The following TMEM132B variants were observed in gnomAD, a reference collection of about 807,000 sequenced individuals.
TMEM132B encodes the protein transmembrane protein 132B.
TMEM132B carries 18 observed loss-of-function variants against 90.8 expected under a neutral mutation model. That is an observed-to-expected ratio of 0.20 (90% CI 0.14 to 0.29). The LOEUF is 0.29. TMEM132B is among the 10% of genes least tolerant of loss of function. TMEM132B has a pLI of 1.00. For synonymous variants in TMEM132B, 504 were observed against 523.3 expected (o/e 0.96, Z 0.50); for missense variants, 1,096 against 1,326.8 (o/e 0.83, Z 2.70).
chr12:125,218,769 G>GTTTTTT (rs34905706), intron 1 of TMEM132B, among the ~76,000 whole-genome samples: 50 of 108,848 alleles, frequency 4.6e-4, no homozygotes, highest in South Asian at 1.4e-3. Flanking sequence ...TGTTGAAGCT[G>GTTTTTT]TTTTTTTTTT....
At chr12:125,336,401 T>C (rs1340226157) in intron 1 of TMEM132B, among the ~76,000 whole-genome samples, 1 of 152,192 alleles carries the variant, frequency 6.6e-6, no homozygotes, top group Admixed American at 6.5e-5. Flanking sequence ...CAAATGACAT[T>C]TGTGAAGATG....
At chr12:125,425,707 CTCTTTTCAGATTGGCTTCTT>C (rs1412720518) in intron 3 of TMEM132B, among the ~76,000 whole-genome samples, 2 of 152,212 alleles carry the variant, frequency 1.3e-5, no homozygotes, top group African/African-American at 4.8e-5. Flanking sequence ...ACAGTATGTA[CTCTTTTCAGATTGGCTTCTT>C]TCACTTGGCA....
intron 3 of TMEM132B, among the ~76,000 whole-genome samples, chr12:125,436,076 C>T (rs1438999273): frequency 4.6e-5 from 7 of 152,116 alleles, no homozygotes; most frequent in Non-Finnish European, 1.0e-4. Flanking sequence ...GTGGGCGTTG[C>T]GGTCTTTGCC....
At chr12:125,218,552 C>T (rs563602497) in intron 1 of TMEM132B, among the ~76,000 whole-genome samples, 1 of 152,158 alleles carries the variant, frequency 6.6e-6, no homozygotes, top group African/African-American at 2.4e-5. Context: ...AAACCCCCAC[C>T]CTGGCTGTAT....
At chr12:125,326,797 G>A (rs1876589786) in intron 1 of TMEM132B, 2 of 956,810 alleles carry the variant, frequency 2.1e-6, no homozygotes, top group Non-Finnish European at 3.1e-6. Flanking sequence ...AGAGTTGCCT[G>A]TTCTCCGTGC....
At chr12:125,652,810 A>G (rs921895795) in intron 8 of TMEM132B, among the ~76,000 whole-genome samples, 178 bp downstream of exon 8, 3 of 152,196 alleles carry the variant, frequency 2.0e-5, no homozygotes, top group Non-Finnish European at 4.4e-5. Context: ...GCTTAGACAC[A>G]TTTCCTCTTA....
chr12:125,350,787 T>C (rs1877544506), intron 2 of TMEM132B, among the ~76,000 whole-genome samples: 1 of 152,228 alleles, frequency 6.6e-6, no homozygotes. Context: ...TGCGTCTTAG[T>C]TGCAAGAGAC....
chr12:125,473,930 G>T (rs1881787632), intron 3 of TMEM132B, among the ~76,000 whole-genome samples: 1 of 151,696 alleles, frequency 6.6e-6, no homozygotes, highest in Non-Finnish European at 1.5e-5. Flanking sequence ...AAGAAATAGA[G>T]ATCCAAGTTT....
chr12:125,481,194 C>T (rs905361233), intron 3 of TMEM132B, among the ~76,000 whole-genome samples: 4 of 152,150 alleles, frequency 2.6e-5, no homozygotes, highest in African/African-American at 9.7e-5. Flanking sequence ...TGAAAACTGG[C>T]ACAAGACAGG....
At chr12:125,344,136 A>G (rs1877283778) in intron 1 of TMEM132B, among the ~76,000 whole-genome samples, 1 of 152,234 alleles carries the variant, frequency 6.6e-6, no homozygotes, top group Non-Finnish European at 1.5e-5. Context: ...ACAAGGGAAC[A>G]AGGAAAAACA....
intron 2 of TMEM132B, among the ~76,000 whole-genome samples, chr12:125,400,186 T>A (rs1879278981): frequency 6.6e-6 from 1 of 152,312 alleles, no homozygotes; most frequent in South Asian, 2.1e-4. Context: ...AAAACCATTC[T>A]TTTTCTTGTA....
chr12:125,412,187 A>T (rs992821003), intron 2 of TMEM132B, among the ~76,000 whole-genome samples: 1 of 152,170 alleles, frequency 6.6e-6, no homozygotes, highest in African/African-American at 2.4e-5. Context: ...GAGTCCCATG[A>T]ATCAATTCAG....
chr12:125,268,573 T>A (rs1874749095), intron 1 of TMEM132B, among the ~76,000 whole-genome samples: 1 of 152,238 alleles, frequency 6.6e-6, no homozygotes. Flanking sequence ...GAACAGTGCA[T>A]ATAGTATGTG....
rs1882606188 is a variant in TMEM132B, at chr12:125,498,164, G to A, written c.1107-21275G>A. Among the ~76,000 whole-genome samples, 1 of 152,194 alleles carries A rather than the reference G, an allele frequency of 6.6e-6. No homozygotes were observed. The highest frequency in any genetic ancestry group is 2.1e-4 in the South Asian group (1 of 4,826). On this transcript the variant is annotated intron_variant, in intron 3 of 8. Transcript: ENST00000682704. The surrounding 1 kb of genome is among the most constrained non-coding windows in gnomAD (Gnocchi z 4.5). ...CTACAAGCCAGTGTGTTTTAAACTA[G>A]AGGCATCCTCTGGTTCTCTGAGGGT...
intron 3 of TMEM132B, among the ~76,000 whole-genome samples, chr12:125,417,639 A>G (rs1360880366): frequency 6.6e-6 from 1 of 152,198 alleles, no homozygotes; most frequent in Non-Finnish European, 1.5e-5. Context: ...GCGTGGTACC[A>G]GGAATGTAGG....
intron 1 of TMEM132B, among the ~76,000 whole-genome samples, chr12:125,240,028 C>T (rs1285677692): frequency 6.6e-6 from 1 of 152,214 alleles, no homozygotes; most frequent in Non-Finnish European, 1.5e-5. Flanking sequence ...CTTCATCTTA[C>T]AAGAGAAAAC....
chr12:125,656,216 C>T lies in TMEM132B; in HGVS notation c.*1506C>T, dbSNP rs1003258346. On this transcript the variant is annotated 3_prime_UTR_variant, in exon 9 of 9. Coordinates refer to ENST00000682704, the MANE Select transcript of TMEM132B (RefSeq NM_001366854.1). ...AAATGTAGACACTGGACTAGTATGC[C>T]TCATTATGAGCTTTACTGAGCCATT... 8 of 152,088 alleles carry T rather than the reference C, an allele frequency of 5.3e-5. No individual in the cohort carries two copies. The highest frequency in any genetic ancestry group is 1.2e-4 in the African/African-American group (5 of 41,394). The allele number at this position is 152,088 out of a possible 1,614,324, so 9.4% of individuals were successfully genotyped here.
chr12:125,477,588 T>G (rs1267484126), intron 3 of TMEM132B, among the ~76,000 whole-genome samples: 2 of 152,176 alleles, frequency 1.3e-5, no homozygotes, highest in Admixed American at 6.5e-5. Flanking sequence ...GACTCTTACA[T>G]TTTTTTCAAC....
chr12:125,518,989 T>C (rs1342650616), intron 3 of TMEM132B, among the ~76,000 whole-genome samples: 1 of 152,242 alleles, frequency 6.6e-6, no homozygotes, highest in Non-Finnish European at 1.5e-5. Context: ...TTTTAACAAC[T>C]GGTCTACAGA....
Sources: allele counts gnomAD v4.1 joint callset (sites outside exome capture counted in the v4.1 genomes callset), GRCh38; gene constraint gnomAD v4.1.1; non-coding constraint Gnocchi (gnomAD v3.1); transcripts MANE v1.5; gene names NCBI Gene and HGNC (gene_info 2026-07-23, HGNC 2026-07-21).